LRRC1: variants seen among roughly 807,000 people sequenced by gnomAD.
LRRC1 encodes the protein leucine-rich repeat-containing protein 1.
LRRC1 carries 28 observed loss-of-function variants against 69.9 expected under a neutral mutation model. The ratio of observed to expected loss-of-function variants is 0.40; its 90% CI spans 0.30 to 0.55. The LOEUF (loss-of-function observed/expected upper bound fraction) is 0.55. Among genes scored for constraint, LRRC1 ranks in the 20% least tolerant of loss-of-function variants. The probability of loss-of-function intolerance (pLI) is 0.47; values close to 1 mark genes in which losing one functional copy is unlikely to be tolerated. For missense variants in LRRC1, 498 were observed against 609.0 expected, an observed-to-expected ratio of 0.82 and a Z score of 1.92; for synonymous variants, 236 against 240.2, an observed-to-expected ratio of 0.98 and a Z score of 0.16.
At chr6:53,805,014 G>C (rs942660336) in intron 1 of LRRC1, among the ~76,000 whole-genome samples, 3 of 152,142 alleles carry the variant, frequency 2.0e-5, no homozygotes, top group African/African-American at 7.2e-5. Flanking sequence ...AATAGGCCTA[G>C]AGGCTGTCTT....
At chr6:53,800,126 G>A (rs1004300547) in intron 1 of LRRC1, among the ~76,000 whole-genome samples, 5 of 152,028 alleles carry the variant, frequency 3.3e-5, no homozygotes, top group Non-Finnish European at 5.9e-5. Flanking sequence ...TAGGGTTATA[G>A]AGTTATTAAA....
chr6:53,803,661 C>T (rs529107162), intron 1 of LRRC1, among the ~76,000 whole-genome samples: 34 of 152,036 alleles, frequency 2.2e-4, no homozygotes, highest in Non-Finnish European at 4.6e-4. Context: ...ATTTTTCCCT[C>T]CTCATTATTT....
chr6:53,896,696 C>T, intron 5 of LRRC1, 133 bp from the exon 6 acceptor site: 2 of 980,434 alleles, frequency 2.0e-6, no homozygotes, highest in Non-Finnish European at 3.1e-6. Flanking sequence ...CTTAACAATC[C>T]TTCCTGTGCA....
In LRRC1 at chr6:53,899,781, A is replaced by G. The variant is rs1767987970; in HGVS notation, c.677A>G (p.Asp226Gly). Residue 226 changes from aspartate to glycine, a missense_variant, in exon 8 of 14, where the codon GAT becomes GGT. Asp to Gly is a moderately conservative substitution (Grantham distance 94). Transcript: ENST00000370888. ...AATCTGAAGAACCTGCTGTGTTTAG[A>G]TGTCTCTGAAAACAGGTTGGAAAGA... ...IGNLKNLLCL[D>G]VSENRLERLP... 1 of 1,614,040 alleles carries G rather than the reference A, an allele frequency of 6.2e-7. No homozygotes were observed. The highest frequency in any genetic ancestry group is 8.5e-7 in the Non-Finnish European group (1 of 1,180,010).
intron 1 of LRRC1, among the ~76,000 whole-genome samples, chr6:53,827,328 A>G (rs1287475392): frequency 6.7e-6 from 1 of 148,998 alleles, no homozygotes; most frequent in Admixed American, 6.7e-5. Context: ...AAAAAAAAAC[A>G]GTTGAAGTAG....
Position 53,851,245 on chromosome 6 carries a change from A to G in LRRC1, c.277+9018A>G, listed in dbSNP as rs539210845. Among the ~76,000 whole-genome samples, 11 of 151,782 alleles carry G rather than the reference A, an allele frequency of 7.2e-5. No individual in the cohort carries two copies. In the South Asian group the frequency reaches 2.3e-3, roughly 32 times the overall value. On this transcript the variant is annotated intron_variant, in intron 2 of 13. Transcript: ENST00000370888. ...ATATAAATCATATATATATGAATCT[A>G]TTCCTAATCTCTCTCTCTGAGACAG...
intron 1 of LRRC1, among the ~76,000 whole-genome samples, chr6:53,828,590 T>A (rs993317645): frequency 2.0e-5 from 3 of 152,280 alleles, no homozygotes; most frequent in African/African-American, 7.2e-5. Context: ...TCCTTTCATG[T>A]ATGTTTTAGC....
At position 53,799,884 on chromosome 6, in the gene LRRC1, T is replaced by A. The variant is rs1168262808; in HGVS notation, c.159+4469T>A. ...TTCTCTCCATTTTGTTGCCAAGTCC[T>A]GCCATTTCTGTTTTCACAATGCCAC... On this transcript the variant is annotated intron_variant, in intron 1 of 13. Coordinates refer to ENST00000370888, the MANE Select transcript of LRRC1 (RefSeq NM_018214.5). Among the ~76,000 whole-genome samples the A allele has an allele frequency of 3.9e-5, 6 of 152,338 alleles. No individual in the cohort carries two copies. The East Asian group carries it at 9.6e-4, about 24-fold the overall frequency.
At chr6:53,876,955 T>A (rs1241986727) in intron 2 of LRRC1, among the ~76,000 whole-genome samples, 1 of 152,224 alleles carries the variant, frequency 6.6e-6, no homozygotes, top group African/African-American at 2.4e-5. Flanking sequence ...GTAGGGATTC[T>A]GTGTGGGTGC....
At chr6:53,834,511 T>G (rs373818216) in intron 1 of LRRC1, among the ~76,000 whole-genome samples, 1 of 152,210 alleles carries the variant, frequency 6.6e-6, no homozygotes, top group East Asian at 1.9e-4. Context: ...GTTTAGCAGG[T>G]AGTTATCTGA....
At chr6:53,869,526 AGTG>A (rs1263450346) in intron 2 of LRRC1, among the ~76,000 whole-genome samples, 1 of 152,214 alleles carries the variant, frequency 6.6e-6, no homozygotes, top group Non-Finnish European at 1.5e-5. Flanking sequence ...CGGTTTTCTT[AGTG>A]GTACAATAGA....
At chr6:53,883,131 C>T (rs926800450) in intron 4 of LRRC1, among the ~76,000 whole-genome samples, 155 bp downstream of exon 4, 3 of 152,162 alleles carry the variant, frequency 2.0e-5, no homozygotes, top group Non-Finnish European at 4.4e-5. Flanking sequence ...TAGCCAGCCT[C>T]CTATGTTTTT....
chr6:53,875,478 G>GTGA (rs1767035395), intron 2 of LRRC1, among the ~76,000 whole-genome samples: 2 of 151,998 alleles, frequency 1.3e-5, no homozygotes, highest in South Asian at 4.2e-4. Flanking sequence ...ACGTGTGTGT[G>GTGA]TGACAAGTAA....
Position 53,868,223 on chromosome 6 carries a change from C to CTT in LRRC1, c.278-10755_278-10754dup, listed in dbSNP as rs141016862. Among the ~76,000 whole-genome samples the CTT allele has an allele frequency of 1.3e-3, 173 of 137,856 alleles. 1 individual carries two copies. The East Asian group carries it at 0.014, about 11-fold the overall frequency. The allele number at this position is 137,856 out of a possible 152,430, so 90.4% of individuals were successfully genotyped here. ...TGTTATTTCTATTGGTAATGCTACT[C>CTT]TTTTTTTTTTTTTTTTGAGACGGAG... On this transcript the variant is annotated intron_variant, in intron 2 of 13. Transcript: ENST00000370888.
intron 2 of LRRC1, among the ~76,000 whole-genome samples, chr6:53,862,863 T>C (rs1312266806): frequency 6.6e-6 from 1 of 152,210 alleles, no homozygotes; most frequent in African/African-American, 2.4e-5. Flanking sequence ...ACAACAGCTG[T>C]GGTAGCAAAT....
Position 53,795,115 on chromosome 6 carries a change from C to T in LRRC1, c.-142C>T, listed in dbSNP as rs1581833553. 1.4e-6 allele frequency: 1 copy of T among 727,836 alleles called. No individual in the cohort carries two copies. Among genetic ancestry groups the T allele is most frequent in the African/African-American group, 1.9e-5 (1 of 53,692 alleles). 45.1% of individuals were successfully genotyped at this position (727,836 alleles called of 1,614,324 possible). ...CCTTGAAGCACTTCCGACCGCGAAGCCCGGCGCGAGAAGCGAGCTAACCCA... is the reference window on the plus strand; with the variant it reads ...CCTTGAAGCACTTCCGACCGCGAAGTCCGGCGCGAGAAGCGAGCTAACCCA... On this transcript the variant is annotated 5_prime_UTR_variant, in exon 1 of 14. Transcript: ENST00000370888.
At chr6:53,922,293 T>C in intron 13 of LRRC1, among the ~76,000 whole-genome samples, 1 of 152,174 alleles carries the variant, frequency 6.6e-6, no homozygotes. Context: ...TCTTTTTCTT[T>C]CCCCACACCC....
intron 11 of LRRC1, among the ~76,000 whole-genome samples, chr6:53,918,686 A>G (rs1034723765): frequency 6.6e-6 from 1 of 152,220 alleles, no homozygotes; most frequent in Admixed American, 6.5e-5. Flanking sequence ...ATAGGTGTAC[A>G]TATGATTTCT....
chr6:53,847,554 A>G (rs944493913), intron 2 of LRRC1, among the ~76,000 whole-genome samples: 2 of 152,252 alleles, frequency 1.3e-5, no homozygotes, highest in African/African-American at 4.8e-5. Context: ...TAAAGGTAAG[A>G]TAGTTTTAGT....
Sources: allele counts gnomAD v4.1 joint callset (sites outside exome capture counted in the v4.1 genomes callset), GRCh38; gene constraint gnomAD v4.1.1; transcripts MANE v1.5; gene names NCBI Gene and HGNC (gene_info 2026-07-23, HGNC 2026-07-21).